The following DIAPH3 variants were observed in gnomAD, a reference collection of about 807,000 sequenced individuals.
DIAPH3 encodes the protein protein diaphanous homolog 3.
A neutral mutation model predicts 144.3 loss-of-function variants in DIAPH3; 117 were observed. That is an observed-to-expected ratio of 0.81 (90% CI 0.70 to 0.95). The LOEUF is 0.95. Ranked by LOEUF, DIAPH3 falls within the 40% of genes least tolerant of loss-of-function variation. The pLI, the probability that DIAPH3 is intolerant of heterozygous loss-of-function variation, is 0.00. For synonymous variants in DIAPH3, 519 were observed against 488.9 expected (o/e 1.06, Z -0.81); for missense variants, 1,421 against 1,412.7 (o/e 1.01, Z -0.09).
At chr13:59,815,835 C>T (rs2040741732) in intron 24 of DIAPH3, among the ~76,000 whole-genome samples, 2 of 152,154 alleles carry the variant, frequency 1.3e-5, no homozygotes, top group South Asian at 4.2e-4. Context: ...TTTGTTTTTG[C>T]TATTCATAGA....
At chr13:59,942,931 T>G (rs575772103) in intron 17 of DIAPH3, among the ~76,000 whole-genome samples, 1 of 152,304 alleles carries the variant, frequency 6.6e-6, no homozygotes, top group African/African-American at 2.4e-5. Flanking sequence ...ATATAATAAT[T>G]TAGCTATTTT....
chr13:59,716,417 T>G (rs975712075), intron 27 of DIAPH3, among the ~76,000 whole-genome samples: 1 of 152,166 alleles, frequency 6.6e-6, no homozygotes, highest in Non-Finnish European at 1.5e-5. Flanking sequence ...TCTTGTGATC[T>G]GCCCGCCTTT....
At position 59,828,792 on chromosome 13, in the gene DIAPH3, C is replaced by T. The variant is rs116893385; in HGVS notation, c.3027+4315G>A. Among the ~76,000 whole-genome samples the T allele has an allele frequency of 8.4e-4, 128 of 151,940 alleles. 1 individual carries two copies. Among genetic ancestry groups the T allele is most frequent in the East Asian group, 8.1e-3 (42 of 5,184 alleles). On this transcript the variant is annotated intron_variant, in intron 24 of 27. Coordinates refer to ENST00000400324, the MANE Select transcript of DIAPH3 (RefSeq NM_001042517.2). ...AAGCTAAAGAAAATTACAATGCAAA[C>T]TTACTCCCTATTTCTTGGGAAACTG...
rs2042813605 is a variant in DIAPH3 at position 59,848,694 on chromosome 13, A to T, written c.2738-9246T>A. ...GTATTCCATGGTGTATATGTGCCAC[A>T]TTTTCTTAATCCAGTCTATCATTGT... is the stretch of plus-strand genomic sequence containing the variant. On this transcript the variant is annotated intron_variant, in intron 22 of 27. Coordinates refer to ENST00000400324, the MANE Select transcript of DIAPH3 (RefSeq NM_001042517.2). Among the ~76,000 whole-genome samples the T allele has an allele frequency of 3.5e-5, 3 of 85,130 alleles. No homozygotes were observed. The South Asian group carries it at 1.5e-3, about 42-fold the overall frequency. The allele number at this position is 85,130 out of a possible 152,430, so 55.8% of individuals were successfully genotyped here.
chr13:59,903,590 T>C (rs2046569962), intron 20 of DIAPH3, among the ~76,000 whole-genome samples: 1 of 151,868 alleles, frequency 6.6e-6, no homozygotes, highest in Non-Finnish European at 1.5e-5. Flanking sequence ...CAAGATCACT[T>C]AGGGTTTAAG....
chr13:59,829,627 T>C (rs1214204296), intron 24 of DIAPH3, among the ~76,000 whole-genome samples: 3 of 151,984 alleles, frequency 2.0e-5, no homozygotes, highest in Non-Finnish European at 2.9e-5. Flanking sequence ...ATTGATCATC[T>C]GTTACTCAAC....
intron 17 of DIAPH3, among the ~76,000 whole-genome samples, chr13:59,948,474 G>A (rs187768566): frequency 5.7e-4 from 87 of 152,148 alleles, no homozygotes; most frequent in Middle Eastern, 6.8e-3. Flanking sequence ...TTTTAGAGAT[G>A]GGGTCTCACT....
rs916309872 is a variant in DIAPH3, at chr13:60,113,053, G to GT, written c.214-868dup. Among the ~76,000 whole-genome samples the GT allele has an allele frequency of 3.1e-3, 463 of 151,620 alleles. 4 individuals carry two copies. The highest frequency in any genetic ancestry group is 0.01 in the African/African-American group (417 of 41,372). On this transcript the variant is annotated intron_variant, in intron 2 of 27. Transcript: ENST00000400324. The stretch of plus-strand genomic sequence containing the variant: ...CTCAAACAGCACAGTGATTCCATGA[G>GT]TTTTTTTTTATCATTGTTGTATACA...
intron 27 of DIAPH3, among the ~76,000 whole-genome samples, chr13:59,683,753 A>G (rs192518911): frequency 6.6e-6 from 1 of 152,278 alleles, no homozygotes. Context: ...ACGTTCTTTC[A>G]CTGAGGTTAA....
At chr13:59,779,519 T>C (rs2038616913) in intron 25 of DIAPH3, among the ~76,000 whole-genome samples, 1 of 151,320 alleles carries the variant, frequency 6.6e-6, no homozygotes, top group Non-Finnish European at 1.5e-5. Context: ...TCTTTTTCTT[T>C]TTTTTTTTTT....
chr13:59,779,822 T>A (rs2038642894), intron 25 of DIAPH3, among the ~76,000 whole-genome samples: 2 of 152,122 alleles, frequency 1.3e-5, no homozygotes, highest in Non-Finnish European at 2.9e-5. Context: ...CCGAGGGAAG[T>A]CTTTTATAGT....
chr13:59,872,337 T>G (rs575047107), intron 21 of DIAPH3, among the ~76,000 whole-genome samples: 1 of 152,134 alleles, frequency 6.6e-6, no homozygotes, highest in Non-Finnish European at 1.5e-5. Flanking sequence ...TTTGTTTTTT[T>G]AAAAAAATAC....
chr13:60,132,458 G>A (rs2059169333), intron 2 of DIAPH3, among the ~76,000 whole-genome samples: 2 of 152,184 alleles, frequency 1.3e-5, no homozygotes, highest in Non-Finnish European at 2.9e-5. Context: ...GACTATGCAA[G>A]AATCTACAAT....
chr13:59,953,263 A>G (rs562473679), intron 17 of DIAPH3, among the ~76,000 whole-genome samples: 56 of 152,272 alleles, frequency 3.7e-4, no homozygotes, highest in African/African-American at 1.3e-3. Context: ...TACATCATGA[A>G]GGTTGCCCAG....
At chr13:60,058,767 C>T (rs748422206) in intron 4 of DIAPH3, among the ~76,000 whole-genome samples, 1 of 151,960 alleles carries the variant, frequency 6.6e-6, no homozygotes, top group Non-Finnish European at 1.5e-5. Context: ...TTGGATGGAT[C>T]TGGAGGCCAT....
chr13:59,726,962 T>C (rs1398604098), intron 27 of DIAPH3, among the ~76,000 whole-genome samples: 1 of 152,180 alleles, frequency 6.6e-6, no homozygotes, highest in East Asian at 1.9e-4. Flanking sequence ...TAAAGCCTTT[T>C]CATATAAATT....
intron 5 of DIAPH3, among the ~76,000 whole-genome samples, chr13:60,033,542 G>A (rs536033549): frequency 2.0e-5 from 3 of 152,232 alleles, no homozygotes; most frequent in Admixed American, 6.5e-5. Context: ...CACATGGTGA[G>A]ACCAGGAGCA....
chr13:59,708,973 A>C (rs2034578229), intron 27 of DIAPH3, among the ~76,000 whole-genome samples: 1 of 152,184 alleles, frequency 6.6e-6, no homozygotes, highest in East Asian at 1.9e-4. Flanking sequence ...TATAAAGATG[A>C]ATAAAGAAAC....
chr13:59,824,864 G>A (rs2041289304), intron 24 of DIAPH3, among the ~76,000 whole-genome samples: 1 of 152,070 alleles, frequency 6.6e-6, no homozygotes, highest in African/African-American at 2.4e-5. Flanking sequence ...TAAGAAAGAA[G>A]TGTAGTGGCC....
Sources: allele counts gnomAD v4.1 joint callset (sites outside exome capture counted in the v4.1 genomes callset), GRCh38; gene constraint gnomAD v4.1.1; transcripts MANE v1.5; gene names NCBI Gene and HGNC (gene_info 2026-07-23, HGNC 2026-07-21).